The following MTMR4 variants were observed in gnomAD, a reference collection of about 807,000 sequenced individuals.
The protein encoded by MTMR4 is myotubularin related protein 4, also known as phosphatidylinositol-3,5-bisphosphate 3-phosphatase MTMR4.
MTMR4 carries 30 observed loss-of-function variants against 125.5 expected under a neutral mutation model. That is an observed-to-expected ratio of 0.24 (90% confidence interval 0.18 to 0.32). The LOEUF (loss-of-function observed/expected upper bound fraction) is 0.32, where lower values mean the gene tolerates loss of function less well. MTMR4 is among the 10% of genes least tolerant of loss of function. The pLI is 1.00. For missense variants in MTMR4, 1,039 were observed against 1,511.5 expected (o/e 0.69, Z 5.18); for synonymous variants, 498 against 564.5 (o/e 0.88, Z 1.67).
At chr17:58,502,237 A>G (rs537570742) in intron 14 of MTMR4, among the ~76,000 whole-genome samples, 2 of 149,090 alleles carry the variant, frequency 1.3e-5, no homozygotes, top group African/African-American at 2.5e-5. Context: ...GCTTACTGCA[A>G]TCTCCACCCC....
At chr17:58,507,952 C>G in intron 7 of MTMR4, 1 of 464,884 alleles carries the variant, frequency 2.2e-6, no homozygotes, top group Non-Finnish European at 3.9e-6. Context: ...CACACACACA[C>G]ACTCTAAAAA....
chr17:58,495,986 T>G lies in MTMR4; in HGVS notation c.2198A>C (p.Asp733Ala). 1.9e-6 allele frequency: 3 copies of G among 1,614,128 alleles called. No individual in the cohort carries two copies. Among genetic ancestry groups the G allele is most frequent in the Non-Finnish European group, 2.5e-6 (3 of 1,180,048 alleles). Residue 733 changes from aspartate (D) to alanine (A), a missense_variant, in exon 15 of 18, where the codon GAT becomes GCT. Transcript: ENST00000682306. ...CTCTTCTAGGACTTTGATCTCAGGA[T>G]CAGAGGTGTTGCTCTTCATTTCCCG... is the stretch of plus-strand genomic sequence containing the variant. ...VPREMKSNTS[D>A]PEIKVLEETK...
chr17:58,514,612 C>A lies in MTMR4; in HGVS notation c.-205G>T. On this transcript the variant is annotated 5_prime_UTR_variant, in exon 1 of 18. It adds an upstream start codon to the 5' untranslated region. Coordinates refer to ENST00000682306, the MANE Select transcript of MTMR4 (RefSeq NM_001378067.1). ...ACAATGGAGCGGGCCCAGCTCCGCC[C>A]TCCCGCACGAGTGCAGAAGGGAGGG... The A allele has an allele frequency of 6.1e-6, 6 of 985,224 alleles. No homozygotes were observed. Among genetic ancestry groups the A allele is most frequent in the Non-Finnish European group, 7.2e-6 (6 of 829,856 alleles). The allele number at this position is 985,224 out of a possible 1,614,324, so 61.0% of individuals were successfully genotyped here. A position where few individuals can be genotyped will look rare whatever the true frequency, so the allele number is the denominator to read the frequency against.
chr17:58,508,363 C>T lies in MTMR4; in HGVS notation c.594-89G>A, dbSNP rs895064605. Reference sequence around the variant, plus strand: ...GGGATGGCTTTGTGGGAAGAGAAACCATGAGCCTTCCTCCCTCTCAGACTC... The same window carrying T: ...GGGATGGCTTTGTGGGAAGAGAAACTATGAGCCTTCCTCCCTCTCAGACTC... On this transcript the variant is annotated intron_variant, in intron 6 of 17. Coordinates refer to ENST00000682306, the MANE Select transcript of MTMR4 (RefSeq NM_001378067.1). This position sits in a 1 kb window ranked among gnomAD's most constrained non-coding sequence, Gnocchi z 4.8. The T allele has an allele frequency of 1.7e-5, 26 of 1,543,846 alleles. No homozygotes were observed. In the African/African-American group the frequency reaches 3.1e-4, roughly 19 times the overall value.
In MTMR4 at chr17:58,513,600, C is replaced by G. The variant is rs529258664; in HGVS notation, c.46-659G>C. 2.6e-5 allele frequency among the ~76,000 whole-genome samples: 4 copies of G among 152,216 alleles called. No individual in the cohort carries two copies. The East Asian group carries it at 5.8e-4, about 22-fold the overall frequency. On this transcript the variant is annotated intron_variant, in intron 1 of 17. Transcript: ENST00000682306. ...GAGGGGAATTCCTGAGGAATACCCA[C>G]AGCAAGCAAAAGGAACTCCCCTCCC...
Position 58,504,235 on chromosome 17 carries a change from G to C in MTMR4, c.1528-15C>G, listed in dbSNP as rs766586638. The C allele has an allele frequency of 1.2e-6, 2 of 1,603,184 alleles. No homozygotes were observed. The highest frequency in any genetic ancestry group is 2.2e-5 in the East Asian group (1 of 44,584). Reference sequence around the variant, plus strand: ...ACCAGTTTTACCTAGAAAGCAGAGAGAGCTTGCACCTGGGGGCCTCGGGCT... The same window carrying C: ...ACCAGTTTTACCTAGAAAGCAGAGACAGCTTGCACCTGGGGGCCTCGGGCT... On this transcript the variant is annotated splice_polypyrimidine_tract_variant and intron_variant, in intron 12 of 17. Coordinates refer to ENST00000682306, the MANE Select transcript of MTMR4 (RefSeq NM_001378067.1). The surrounding 1 kb of genome is among the most constrained non-coding windows in gnomAD (Gnocchi z 7.1).
In MTMR4 at chr17:58,491,639, A is replaced by G. The variant is rs756700071; in HGVS notation, c.*24T>C. 1.2e-6 allele frequency: 2 copies of G among 1,605,386 alleles called. No individual in the cohort carries two copies. The highest frequency in any genetic ancestry group is 1.7e-6 in the Non-Finnish European group (2 of 1,173,586). On this transcript the variant is annotated 3_prime_UTR_variant, in exon 18 of 18. Transcript: ENST00000682306. ...AGATCCTCCCTTCAAACCTGCTAAA[A>G]TTGGACAGGTTTCTCCCCGGCATTC...
At chr17:58,509,090 G>A (rs772698452) in intron 4 of MTMR4, among the ~76,000 whole-genome samples, 3 of 152,140 alleles carry the variant, frequency 2.0e-5, no homozygotes, top group Non-Finnish European at 4.4e-5. Flanking sequence ...CGAATGGGGC[G>A]CTACTGTTTC....
chr17:58,514,239 T>G, intron 1 of MTMR4, 124 bp downstream of exon 1: 1 of 861,350 alleles, frequency 1.2e-6, no homozygotes, highest in Non-Finnish European at 1.4e-6. Flanking sequence ...CCACCTTCCC[T>G]GCCCCCCAAA....
rs1389887823 is a variant in MTMR4 at position 58,504,028 on chromosome 17, C to A, written c.1698+22G>T. On this transcript the variant is annotated intron_variant, in intron 13 of 17. Transcript: ENST00000682306. This position sits in a 1 kb window ranked among gnomAD's most constrained non-coding sequence, Gnocchi z 7.1. ...CCTATAGGTTTCTAAATAGCACCTA[C>A]AGGAAAAGGGCTCAGACTCACCATG... The A allele has an allele frequency of 6.5e-7, 1 of 1,534,294 alleles. No individual in the cohort carries two copies. Among genetic ancestry groups the A allele is most frequent in the Non-Finnish European group, 8.8e-7 (1 of 1,141,846 alleles).
In MTMR4 at chr17:58,495,433, T is replaced by C; in HGVS notation, c.2751A>G (p.Leu917=). 2 of 1,614,244 alleles carry C rather than the reference T, an allele frequency of 1.2e-6. No homozygotes were observed. The highest frequency in any genetic ancestry group is 1.7e-6 in the Non-Finnish European group (2 of 1,180,048). The change falls in exon 15 of 18, where the codon CTA becomes CTG. Residue 917 remains leucine, a synonymous_variant. Coordinates refer to ENST00000682306, the MANE Select transcript of MTMR4 (RefSeq NM_001378067.1). The stretch of plus-strand genomic sequence containing the variant: ...CTTGGAAGCTGTCCCAGTTGGACCC[T>C]AGAAAAGAGAACTCACTGATCTGGC... ...SQSQISEFSF[L]GSNWDSFQGM...
At position 58,512,875 on chromosome 17, in the gene MTMR4, C is replaced by G. The variant is rs1354376075; in HGVS notation, c.112G>C (p.Val38Leu). 2 of 1,613,174 alleles carry G rather than the reference C, an allele frequency of 1.2e-6. No homozygotes were observed. The highest frequency in any genetic ancestry group is 1.7e-6 in the Non-Finnish European group (2 of 1,179,610). The change falls in exon 2 of 18, where the codon GTG becomes CTG. Residue 38 changes from valine (V) to leucine (L), a missense_variant. This residue lies in a region of MTMR4 where 202 missense variants were observed against 311.9 expected (regional missense o/e 0.65). Transcript: ENST00000682306. This position sits in a 1 kb window ranked among gnomAD's most constrained non-coding sequence, Gnocchi z 4.1. ...AKDLFPPKEL[V>L]KEEENLQVPF... The stretch of plus-strand genomic sequence containing the variant: ...ACCTGAAGATTCTCTTCCTCCTTCA[C>G]TAGTTCCTTGGGGGGGAACAGATCC...
Position 58,508,068 on chromosome 17 carries a change from C to T in MTMR4, c.707+93G>A. ...CATACTTCCCCATAGAGTGTCAATT[C>T]TCAGTCAACCAGGTTACCCAAAATC... On this transcript the variant is annotated intron_variant, in intron 7 of 17. Coordinates refer to ENST00000682306, the MANE Select transcript of MTMR4 (RefSeq NM_001378067.1). This position sits in a 1 kb window ranked among gnomAD's most constrained non-coding sequence, Gnocchi z 4.8. 1.1e-6 allele frequency: 1 copy of T among 878,630 alleles called. No homozygotes were observed. Among genetic ancestry groups the T allele is most frequent in the Non-Finnish European group, 1.8e-6 (1 of 543,096 alleles). 54.4% of individuals were successfully genotyped at this position (878,630 alleles called of 1,614,324 possible).
upstream of MTMR4, among the ~76,000 whole-genome samples, chr17:58,517,257 T>C (rs1220658976): frequency 1.3e-5 from 2 of 152,364 alleles, no homozygotes; most frequent in South Asian, 4.1e-4. Flanking sequence ...AATCCAGGCC[T>C]TGGAGTCAGC....
At chr17:58,507,953 A>ACT (rs1417331717) in intron 7 of MTMR4, 6 of 470,750 alleles carry the variant, frequency 1.3e-5, no homozygotes, top group Admixed American at 1.1e-4. Flanking sequence ...ACACACACAC[A>ACT]CTCTAAAAAA....
chr17:58,498,557 A>AG (rs1313254798), intron 14 of MTMR4, among the ~76,000 whole-genome samples: 1 of 11,108 alleles, frequency 9.0e-5, no homozygotes, highest in African/African-American at 3.6e-4. Context: ...AGGGGGGAGG[A>AG]GGGGGAGGAG....
chr17:58,505,472 T>C lies in MTMR4; in HGVS notation c.1145A>G (p.Asn382Ser), dbSNP rs780199990. 1.2e-5 allele frequency: 20 copies of C among 1,609,322 alleles called. No individual in the cohort carries two copies. Among genetic ancestry groups the C allele is most frequent in the Non-Finnish European group, 1.7e-5 (20 of 1,176,728 alleles). Reference protein sequence around the residue: ...AVCSQMPDPSNWLSALESTKW... With the variant: ...AVCSQMPDPSSWLSALESTKW... ...AGGAATCCAAGTAGGGAACACCTAC[T>C]TGCTAGGATCCGGCATCTGGCTACA... Residue 382 changes from asparagine to serine, a missense_variant and splice_region_variant, in exon 10 of 18, where the codon AAC (asparagine) becomes AGC (serine). Around this residue, in one of 6 missense-constraint regions of MTMR4, gnomAD observed 107 missense variants for 267.4 expected, o/e 0.40. Transcript: ENST00000682306.
At position 58,495,673 on chromosome 17, in the gene MTMR4, T is replaced by C. The variant is rs1353804032; in HGVS notation, c.2511A>G (p.Gln837=). The C allele has an allele frequency of 1.9e-6, 3 of 1,614,022 alleles. No individual in the cohort carries two copies. The highest frequency in any genetic ancestry group is 1.3e-5 in the African/African-American group (1 of 74,914). Residue 837 remains glutamine (Q), a synonymous_variant, in exon 15 of 18, where the codon CAA becomes CAG. Transcript: ENST00000682306. ...AGTCAGTGCTTGGGTCTAGAGGAGT[T>C]TGGCAGGCAGCACTCGGTGGGTTGC... ...TVCNPPSAAC[Q]TPLDPSTDFL...
chr17:58,508,105 C>T lies in MTMR4; in HGVS notation c.707+56G>A. On this transcript the variant is annotated intron_variant, in intron 7 of 17. Transcript: ENST00000682306. This position sits in a 1 kb window ranked among gnomAD's most constrained non-coding sequence, Gnocchi z 4.8. ...GGTTACCCAAAATCTCCAATTTTGA[C>T]TCTTTCCTTGTTGCATAAGAAATGG... 1 of 1,366,704 alleles carries T rather than the reference C, an allele frequency of 7.3e-7. No individual in the cohort carries two copies. The highest frequency in any genetic ancestry group is 1.0e-6 in the Non-Finnish European group (1 of 962,082). The allele number at this position is 1,366,704 out of a possible 1,614,324, so 84.7% of individuals were successfully genotyped here. A position where few individuals can be genotyped will look rare whatever the true frequency, so the allele number is the denominator to read the frequency against.
Sources: allele counts gnomAD v4.1 joint callset (sites outside exome capture counted in the v4.1 genomes callset), GRCh38; gene constraint gnomAD v4.1.1; regional missense constraint gnomAD v4.1.1; non-coding constraint Gnocchi (gnomAD v3.1); transcripts MANE v1.5; gene names NCBI Gene and HGNC (gene_info 2026-07-23, HGNC 2026-07-21).